The following PRKAR2A variants were observed in gnomAD, a reference collection of about 807,000 sequenced individuals.
The protein encoded by PRKAR2A is protein kinase cAMP-dependent type II regulatory subunit alpha.
PRKAR2A carries 29 observed loss-of-function variants against 51.9 expected under a neutral mutation model. That is an observed-to-expected ratio of 0.56 (90% confidence interval 0.42 to 0.76). The LOEUF (loss-of-function observed/expected upper bound fraction) is 0.76. PRKAR2A is among the 30% of genes least tolerant of loss of function. The probability of loss-of-function intolerance (pLI) is 0.00; values close to 1 mark genes in which losing one functional copy is unlikely to be tolerated. For synonymous variants in PRKAR2A, 178 were observed against 186.2 expected, an observed-to-expected ratio of 0.96 and a Z score of 0.36; for missense variants, 445 against 512.1, an observed-to-expected ratio of 0.87 and a Z score of 1.26.
chr3:48,814,962 A>C (rs1008027118), intron 1 of PRKAR2A, among the ~76,000 whole-genome samples: 3 of 152,068 alleles, frequency 2.0e-5, no homozygotes, highest in Non-Finnish European at 2.9e-5. Context: ...CCCAGGCTGG[A>C]ATGCAATGGT....
intron 2 of PRKAR2A, among the ~76,000 whole-genome samples, chr3:48,802,108 G>C (rs183678417): frequency 3.3e-5 from 5 of 151,742 alleles, no homozygotes; most frequent in African/African-American, 4.8e-5. Flanking sequence ...GGGGTTTCAC[G>C]ATGTTGGCCA....
intron 5 of PRKAR2A, among the ~76,000 whole-genome samples, chr3:48,777,075 G>C (rs562742042): frequency 1.3e-5 from 2 of 152,108 alleles, no homozygotes; most frequent in South Asian, 4.2e-4. Context: ...TGCTGACGGG[G>C]AGTTCAATCA....
chr3:48,778,614 G>C (rs540887177), intron 5 of PRKAR2A, among the ~76,000 whole-genome samples: 2 of 152,022 alleles, frequency 1.3e-5, no homozygotes, highest in Non-Finnish European at 2.9e-5. Context: ...CTGCCTCCCG[G>C]GTTCAAGTTA....
chr3:48,773,348 T>C (rs1436316739), intron 5 of PRKAR2A, among the ~76,000 whole-genome samples: 1 of 141,030 alleles, frequency 7.1e-6, no homozygotes, highest in East Asian at 2.1e-4. Context: ...TCTTTTTTTT[T>C]TTTTTTTTTT....
intron 6 of PRKAR2A, among the ~76,000 whole-genome samples, chr3:48,772,434 T>G (rs1377595995): frequency 6.6e-6 from 1 of 152,176 alleles, no homozygotes; most frequent in South Asian, 2.1e-4. Flanking sequence ...CTCGAACTCC[T>G]GACCTCAAGT....
chr3:48,809,879 T>C (rs951552840), intron 1 of PRKAR2A, among the ~76,000 whole-genome samples: 2 of 152,124 alleles, frequency 1.3e-5, no homozygotes, highest in African/African-American at 4.8e-5. Flanking sequence ...CAGATCCACC[T>C]GAGTCATTCT....
At chr3:48,829,799 A>ATATATACATATATATGTATG (rs1559646703) in intron 1 of PRKAR2A, among the ~76,000 whole-genome samples, 2 of 131,862 alleles carry the variant, frequency 1.5e-5, no homozygotes, top group African/African-American at 5.3e-5. Context: ...ATATATGCGT[A>ATATATACATATATATGTATG]TATATACATA....
At chr3:48,842,425 C>T (rs2083395421) in intron 1 of PRKAR2A, among the ~76,000 whole-genome samples, 1 of 152,132 alleles carries the variant, frequency 6.6e-6, no homozygotes. Context: ...TGCCTAATTG[C>T]CCTGGCCACA....
chr3:48,773,049 T>C lies in PRKAR2A; in HGVS notation c.602A>G (p.Asp201Gly). ...TAGTTCTCCAAAACTGCCACGGTTG[T>C]CATATTGACCAACAGAGCGGGTTTG... is the stretch of plus-strand genomic sequence containing the variant. ...DNQTRSVGQY[D>G]NRGSFGELAL... The change falls in exon 6 of 11, where the codon GAC becomes GGC. Residue 201 changes from aspartate to glycine, a missense_variant. Transcript: ENST00000265563. 1 of 1,613,912 alleles carries C rather than the reference T, an allele frequency of 6.2e-7. No individual in the cohort carries two copies. Among genetic ancestry groups the C allele is most frequent in the Non-Finnish European group, 8.5e-7 (1 of 1,179,832 alleles).
chr3:48,806,128 C>T (rs2082673085), intron 2 of PRKAR2A, among the ~76,000 whole-genome samples: 1 of 152,194 alleles, frequency 6.6e-6, no homozygotes, highest in South Asian at 2.1e-4. Context: ...ACTCTCTTAA[C>T]ATAACATATT....
At chr3:48,821,290 T>G (rs529906715) in intron 1 of PRKAR2A, among the ~76,000 whole-genome samples, 1 of 152,292 alleles carries the variant, frequency 6.6e-6, no homozygotes, top group South Asian at 2.1e-4. Context: ...AGGATCATTC[T>G]CTGCTGTAAA....
intron 6 of PRKAR2A, among the ~76,000 whole-genome samples, chr3:48,765,745 A>AAAAAAAAAAAAAAAC: frequency 6.6e-6 from 1 of 150,528 alleles, no homozygotes; most frequent in Non-Finnish European, 1.5e-5. Flanking sequence ...AAAAAAAAAA[A>AAAAAAAAAAAAAAAC]AAAGAGACAC....
At chr3:48,820,373 G>A (rs776002006) in intron 1 of PRKAR2A, among the ~76,000 whole-genome samples, 31 of 152,156 alleles carry the variant, frequency 2.0e-4, no homozygotes, top group Non-Finnish European at 3.2e-4. Flanking sequence ...TAACGGGAAT[G>A]GAGAAAAGGG....
intron 1 of PRKAR2A, among the ~76,000 whole-genome samples, chr3:48,809,595 CAAAAAAAAAA>C (rs57623385): frequency 0.012 from 572 of 49,372 alleles, 9 homozygotes; most frequent in East Asian, 0.03. Flanking sequence ...GACTCCATCT[CAAAAAAAAAA>C]AAAAAAAAAA....
chr3:48,773,199 AAG>A, intron 5 of PRKAR2A, 91 bp from the exon 6 acceptor site: 1 of 1,102,518 alleles, frequency 9.1e-7, no homozygotes, highest in Non-Finnish European at 1.3e-6. Context: ...ATGTTGTTTT[AAG>A]AGATTTCCAA....
At chr3:48,751,834 C>A in intron 10 of PRKAR2A, 116 bp from the exon 11 acceptor site, 1 of 1,236,312 alleles carries the variant, frequency 8.1e-7, no homozygotes, top group Non-Finnish European at 1.1e-6. Flanking sequence ...GGACACCAGC[C>A]ACTTGCAAAA....
chr3:48,845,720 G>A (rs1401277414), intron 1 of PRKAR2A, among the ~76,000 whole-genome samples: 1 of 152,144 alleles, frequency 6.6e-6, no homozygotes, highest in East Asian at 1.9e-4. Context: ...GCCAAGGCAG[G>A]AGCATTACTT....
At chr3:48,771,340 TCAA>T (rs879828147) in intron 6 of PRKAR2A, among the ~76,000 whole-genome samples, 8 of 152,138 alleles carry the variant, frequency 5.3e-5, no homozygotes, top group South Asian at 2.1e-4. Flanking sequence ...AGACTCTGTC[TCAA>T]CAACAACAAC....
At chr3:48,807,708 T>G in intron 1 of PRKAR2A, 24 bp from the exon 2 acceptor site, 1 of 1,595,936 alleles carries the variant, frequency 6.3e-7, no homozygotes, top group South Asian at 1.1e-5. Context: ...AAGCAACATT[T>G]AGTCATTATT....
Sources: gnomAD v4.1 joint callset for allele counts (sites outside exome capture counted in the v4.1 genomes callset) on GRCh38, gnomAD v4.1.1 for gene constraint, MANE v1.5 for transcripts, NCBI Gene and HGNC (gene_info 2026-07-23, HGNC 2026-07-21) for gene names.